The following ZDHHC17 variants were observed in gnomAD, a reference collection of about 807,000 sequenced individuals.
ZDHHC17 encodes the protein palmitoyltransferase ZDHHC17.
Under a neutral mutation model 90.3 loss-of-function variants are expected in ZDHHC17, and 40 were observed. The ratio of observed to expected loss-of-function variants is 0.44; its 90% CI spans 0.34 to 0.58. ZDHHC17 has a LOEUF of 0.58. ZDHHC17 is among the 20% of genes least tolerant of loss of function. ZDHHC17 has a pLI of 0.01. For missense variants in ZDHHC17, 614 were observed against 780.8 expected (o/e 0.79, Z 2.55); for synonymous variants, 235 against 252.4 (o/e 0.93, Z 0.65).
chr12:76,810,661 G>A (rs778523079), intron 5 of ZDHHC17, among the ~76,000 whole-genome samples: 4 of 152,028 alleles, frequency 2.6e-5, no homozygotes, highest in Non-Finnish European at 5.9e-5. Flanking sequence ...GTGCATTATA[G>A]TTTAGGAAAA....
chr12:76,853,326 A>C lies in ZDHHC17; in HGVS notation c.*2341A>C, dbSNP rs1359043677. 6.6e-6 allele frequency: 1 copy of C among 152,598 alleles called. No homozygotes were observed. Among genetic ancestry groups the C allele is most frequent in the Non-Finnish European group, 1.5e-5 (1 of 68,020 alleles). The allele number at this position is 152,598 out of a possible 1,614,324, so 9.5% of individuals were successfully genotyped here. A position where few individuals can be genotyped will look rare whatever the true frequency, so the allele number is the denominator to read the frequency against. ...GAACCAACTATAAACCCAGTTCTAA[A>C]GTTGTGTATGATGGTGAACCTTTGG... On this transcript the variant is annotated 3_prime_UTR_variant, in exon 17 of 17. Coordinates refer to ENST00000426126, the MANE Select transcript of ZDHHC17 (RefSeq NM_015336.4).
chr12:76,774,321 CAT>C lies in ZDHHC17; in HGVS notation c.93+10000_93+10001del, dbSNP rs964750097. ...AAATATATATATATACACACACACA[CAT>C]ATATATACATACACACACACACACA... On this transcript the variant is annotated intron_variant, in intron 1 of 16. Coordinates refer to ENST00000426126, the MANE Select transcript of ZDHHC17 (RefSeq NM_015336.4). Among the ~76,000 whole-genome samples the C allele has an allele frequency of 1.5e-4, 21 of 138,424 alleles. No homozygotes were observed. In the East Asian group the frequency reaches 3.6e-3, roughly 24 times the overall value. The allele number at this position is 138,424 out of a possible 152,430, so 90.8% of individuals were successfully genotyped here. A position where few individuals can be genotyped will look rare whatever the true frequency, so the allele number is the denominator to read the frequency against.
rs140479367 is a variant in ZDHHC17, at chr12:76,804,848, C to T, written c.198-469C>T. Among the ~76,000 whole-genome samples the T allele has an allele frequency of 1.6e-3, 237 of 152,290 alleles. 1 individual carries two copies. The highest frequency in any genetic ancestry group is 3.4e-3 in the Middle Eastern group (1 of 294). The stretch of plus-strand genomic sequence containing the variant: ...TGAAAGTCTCACTTTCGCCTTTCCT[C>T]GTGCCTCTTGGTCCATTCTTTGGGT... On this transcript the variant is annotated intron_variant, in intron 2 of 16. Transcript: ENST00000426126.
At chr12:76,813,304 A>C (rs1212151630) in intron 5 of ZDHHC17, 2 of 435,994 alleles carry the variant, frequency 4.6e-6, no homozygotes, top group Non-Finnish European at 9.1e-6. Flanking sequence ...TATTTTTTTT[A>C]AGCCACAGGA....
intron 8 of ZDHHC17, among the ~76,000 whole-genome samples, chr12:76,826,463 A>G (rs1032941613): frequency 5.3e-5 from 8 of 152,054 alleles, no homozygotes; most frequent in Admixed American, 6.6e-5. Context: ...TTAATATACT[A>G]TTTATCATTT....
At position 76,826,914 on chromosome 12, in the gene ZDHHC17, C is replaced by A; in HGVS notation, c.904C>A (p.Arg302=). 6.6e-7 allele frequency: 1 copy of A among 1,510,250 alleles called. No individual in the cohort carries two copies. The highest frequency in any genetic ancestry group is 8.8e-7 in the Non-Finnish European group (1 of 1,140,792). The allele number at this position is 1,510,250 out of a possible 1,614,324, so 93.6% of individuals were successfully genotyped here. ...ATTTTTTGTTTCTATACAGGAATTT[C>A]GGCAGAAAGTAATGTTAGGAACTCC... ...LRKLKADKEF[R]QKVMLGTPFL... The change falls in exon 9 of 17, where the codon CGG becomes AGG. Residue 302 remains arginine (R), a synonymous_variant. Transcript: ENST00000426126.
intron 1 of ZDHHC17, among the ~76,000 whole-genome samples, chr12:76,778,379 C>A (rs1181910959): frequency 1.3e-5 from 2 of 152,086 alleles, no homozygotes; most frequent in Non-Finnish European, 2.9e-5. Flanking sequence ...ACCACCACAC[C>A]CAGCGAATTT....
chr12:76,786,442 G>A (rs1952688219), intron 1 of ZDHHC17, among the ~76,000 whole-genome samples: 1 of 152,148 alleles, frequency 6.6e-6, no homozygotes, highest in Admixed American at 6.5e-5. Context: ...TTTTAGTAGA[G>A]ATGGGGTTTT....
chr12:76,824,462 G>A (rs35646047), intron 8 of ZDHHC17, among the ~76,000 whole-genome samples: 1 of 151,974 alleles, frequency 6.6e-6, no homozygotes, highest in Non-Finnish European at 1.5e-5. Flanking sequence ...TAATTATGTA[G>A]ACTGTTCTTT....
Position 76,809,725 on chromosome 12 carries a change from A to G in ZDHHC17, c.411A>G (p.Leu137=), listed in dbSNP as rs1233515209. 1.9e-6 allele frequency: 3 copies of G among 1,558,076 alleles called. No homozygotes were observed. Among genetic ancestry groups the G allele is most frequent in the Non-Finnish European group, 2.6e-6 (3 of 1,155,032 alleles). The change falls in exon 5 of 17, where the codon CTA becomes CTG. Residue 137 remains leucine (L), a synonymous_variant. Transcript: ENST00000426126. ...TTTTATGTTTTAGACAAGGCCATCT[A>G]TCCATGGTTGTGCAACTAATGAAAT... The part of the protein sequence containing the change: ...PLHWATRQGH[L]SMVVQLMKYG...
chr12:76,784,508 G>A (rs79799887), intron 1 of ZDHHC17, among the ~76,000 whole-genome samples: 22,021 of 152,130 alleles, frequency 0.14, 1,969 homozygotes, highest in Non-Finnish European at 0.2. Context: ...GAAGCTGGTG[G>A]CAGAAGACCA....
At chr12:76,835,371 GA>G in intron 10 of ZDHHC17, among the ~76,000 whole-genome samples, 1 of 152,038 alleles carries the variant, frequency 6.6e-6, no homozygotes, top group Non-Finnish European at 1.5e-5. Context: ...CATTTTGATT[GA>G]AATTCTATTT....
chr12:76,809,614 C>CGTAATCGTAT, intron 4 of ZDHHC17, 99 bp from the exon 5 acceptor site: 1 of 972,182 alleles, frequency 1.0e-6, no homozygotes. Context: ...AAAATACATA[C>CGTAATCGTAT]GTAATCTTCC....
chr12:76,829,480 AAAAAG>A (rs1386298164), intron 10 of ZDHHC17, among the ~76,000 whole-genome samples: 145 of 146,784 alleles, frequency 9.9e-4, no homozygotes, highest in African/African-American at 3.0e-3. Context: ...AAAAAAAAAA[AAAAAG>A]AACTACCATT....
chr12:76,832,207 G>C (rs1953311351), intron 10 of ZDHHC17, among the ~76,000 whole-genome samples: 1 of 152,192 alleles, frequency 6.6e-6, no homozygotes, highest in Admixed American at 6.5e-5. Flanking sequence ...AAGGATGTTA[G>C]ACAGGAAATA....
chr12:76,842,858 G>A, intron 11 of ZDHHC17, 61 bp from the exon 12 acceptor site: 1 of 1,228,362 alleles, frequency 8.1e-7, no homozygotes, highest in South Asian at 1.4e-5. Flanking sequence ...TCATAGTGGT[G>A]GCAAAAGAGT....
At chr12:76,813,605 A>T (rs1263383472) in intron 5 of ZDHHC17, among the ~76,000 whole-genome samples, 1 of 152,082 alleles carries the variant, frequency 6.6e-6, no homozygotes, top group African/African-American at 2.4e-5. Context: ...GCATAGAGAT[A>T]GTGTTTTACA....
At chr12:76,820,790 A>G (rs1423427776) in intron 7 of ZDHHC17, among the ~76,000 whole-genome samples, 1 of 152,138 alleles carries the variant, frequency 6.6e-6, no homozygotes, top group African/African-American at 2.4e-5. Context: ...AAACCTTTGA[A>G]TGATTTCTTT....
chr12:76,792,595 T>C (rs1370837779), intron 1 of ZDHHC17, among the ~76,000 whole-genome samples: 1 of 152,098 alleles, frequency 6.6e-6, no homozygotes, highest in African/African-American at 2.4e-5. Flanking sequence ...CTGCTACCTA[T>C]AGTAGCAGAT....
Sources: allele counts gnomAD v4.1 joint callset (sites outside exome capture counted in the v4.1 genomes callset), GRCh38; gene constraint gnomAD v4.1.1; transcripts MANE v1.5; gene names NCBI Gene and HGNC (gene_info 2026-07-23, HGNC 2026-07-21).